The following PAPOLA variants were observed in gnomAD, a reference collection of about 807,000 sequenced individuals.
PAPOLA encodes the protein poly(A) polymerase alpha, also known as polynucleotide adenylyltransferase alpha.
In PAPOLA, 15 loss-of-function variants were observed where a neutral mutation model predicts 100.6. The observed-to-expected ratio is 0.15, with a 90% CI of 0.10 to 0.23. PAPOLA has a LOEUF of 0.23. Ranked by LOEUF, PAPOLA falls within the 10% of genes least tolerant of loss-of-function variation. PAPOLA has a pLI of 1.00. For synonymous variants in PAPOLA, 293 were observed against 300.0 expected, an observed-to-expected ratio of 0.98 and a Z score of 0.24; for missense variants, 533 against 884.2, an observed-to-expected ratio of 0.60 and a Z score of 5.04.
At chr14:96,561,124 C>G (rs867148237) in intron 20 of PAPOLA, among the ~76,000 whole-genome samples, 1 of 152,152 alleles carries the variant, frequency 6.6e-6, no homozygotes, top group Admixed American at 6.5e-5. Context: ...AGATCATGAT[C>G]TGTCTCTTTG....
At position 96,532,845 on chromosome 14, in the gene PAPOLA, T is replaced by G. The variant is rs181634747; in HGVS notation, c.836+196T>G. 7.2e-5 allele frequency: 95 copies of G among 1,313,234 alleles called. No individual in the cohort carries two copies. In the African/African-American group the frequency reaches 1.1e-3, roughly 16 times the overall value. 81.3% of individuals were successfully genotyped at this position (1,313,234 alleles called of 1,614,324 possible). ...TTTTTCCCTAGTTTGGCCAGGATAGTAAGGCAGATTCTATTTGTACTTCCT... is the reference window on the plus strand; with the variant it reads ...TTTTTCCCTAGTTTGGCCAGGATAGGAAGGCAGATTCTATTTGTACTTCCT... On this transcript the variant is annotated intron_variant, in intron 9 of 21. Transcript: ENST00000216277.
intron 21 of PAPOLA, among the ~76,000 whole-genome samples, chr14:96,563,393 G>T (rs1200537912): frequency 6.6e-6 from 1 of 152,116 alleles, no homozygotes; most frequent in African/African-American, 2.4e-5. Flanking sequence ...ACTTGTGACA[G>T]ACCCTCACAT....
At chr14:96,524,495 C>G (rs533687514) in intron 3 of PAPOLA, among the ~76,000 whole-genome samples, 2 of 151,942 alleles carry the variant, frequency 1.3e-5, no homozygotes, top group African/African-American at 2.4e-5. Flanking sequence ...TCCCGTTCCC[C>G]TTCCCCTTCC....
At chr14:96,554,383 C>T (rs990776574) in intron 17 of PAPOLA, among the ~76,000 whole-genome samples, 6 of 152,190 alleles carry the variant, frequency 3.9e-5, no homozygotes, top group African/African-American at 1.4e-4. Context: ...GTCTGTTTAT[C>T]CCCTCTTGAT....
chr14:96,533,455 C>A, intron 9 of PAPOLA: 1 of 983,730 alleles, frequency 1.0e-6, no homozygotes, highest in Non-Finnish European at 1.2e-6. Flanking sequence ...AATTTAGAAC[C>A]ATGCCACACT....
At chr14:96,518,930 A>T (rs897205537) in intron 1 of PAPOLA, among the ~76,000 whole-genome samples, 11 of 151,614 alleles carry the variant, frequency 7.3e-5, no homozygotes, top group Non-Finnish European at 1.5e-4. Context: ...GGTGGCATGC[A>T]CCTGTAGTCC....
At chr14:96,564,825 T>G in intron 21 of PAPOLA, 130 bp from the exon 22 acceptor site, 1 of 587,410 alleles carries the variant, frequency 1.7e-6, no homozygotes, top group Non-Finnish European at 3.1e-6. Context: ...TTGACAACAT[T>G]ATAGAGTTTT....
In PAPOLA at chr14:96,557,518, G is replaced by A. The variant is rs115538147; in HGVS notation, c.2004+1105G>A. On this transcript the variant is annotated intron_variant, in intron 19 of 21. Transcript: ENST00000216277. ...TTCATGTTGTTTTCCAATCAGTGAGGCATTTGCAATTGCCCCAGAGATGAC... is the reference window on the plus strand; with the variant it reads ...TTCATGTTGTTTTCCAATCAGTGAGACATTTGCAATTGCCCCAGAGATGAC... Among the ~76,000 whole-genome samples, 721 of 150,284 alleles carry A rather than the reference G, an allele frequency of 4.8e-3. 3 individuals are homozygous for A. Among genetic ancestry groups the A allele is most frequent in the African/African-American group, 0.017 (678 of 41,070 alleles).
intron 14 of PAPOLA, 133 bp downstream of exon 14, chr14:96,543,026 T>A (rs752589335): frequency 1.1e-6 from 1 of 908,846 alleles, no homozygotes; most frequent in Non-Finnish European, 1.7e-6. Flanking sequence ...TTAGAACTTA[T>A]AATTTAGTTT....
intron 6 of PAPOLA, 25 bp downstream of exon 6, chr14:96,528,031 T>G (rs1361971771): frequency 6.7e-7 from 1 of 1,502,246 alleles, no homozygotes; most frequent in Non-Finnish European, 9.3e-7. Flanking sequence ...AAATTGACAG[T>G]TCTTGCTATG....
At chr14:96,531,129 G>T (rs1367406289) in intron 6 of PAPOLA, among the ~76,000 whole-genome samples, 1 of 151,982 alleles carries the variant, frequency 6.6e-6, no homozygotes, top group Non-Finnish European at 1.5e-5. Context: ...AGCCTCCCCA[G>T]TAACTGGGAC....
At chr14:96,526,323 G>T (rs912215596) in intron 4 of PAPOLA, 6 of 152,142 alleles carry the variant, frequency 3.9e-5, no homozygotes, top group African/African-American at 1.4e-4. Flanking sequence ...GGCAGAGTAG[G>T]TACAACTCAG....
chr14:96,553,535 T>G (rs1055244887), intron 17 of PAPOLA: 10 of 152,294 alleles, frequency 6.6e-5, no homozygotes, highest in African/African-American at 2.4e-4. Flanking sequence ...AAAAAAAATT[T>G]TGAGTCTCGC....
At position 96,556,171 on chromosome 14, in the gene PAPOLA, T is replaced by G; in HGVS notation, c.1766-4T>G. 1 of 1,608,524 alleles carries G rather than the reference T, an allele frequency of 6.2e-7. No homozygotes were observed. Among genetic ancestry groups the G allele is most frequent in the South Asian group, 1.1e-5 (1 of 90,968 alleles). ...TTGTATATACTCATATATTTGCTGC[T>G]TAGGTACATCGAGTGAAAGCATTCC... is the stretch of plus-strand genomic sequence containing the variant. On this transcript the variant is annotated splice_region_variant and splice_polypyrimidine_tract_variant and intron_variant, in intron 18 of 21. Coordinates refer to ENST00000216277, the MANE Select transcript of PAPOLA (RefSeq NM_032632.5).
Position 96,537,031 on chromosome 14 carries a change from T to G in PAPOLA, c.1086T>G (p.Phe362Leu). Residue 362 changes from phenylalanine to leucine, a missense_variant, in exon 12 of 22, where the codon TTT becomes TTG. Around this residue, in one of 9 missense-constraint regions of PAPOLA, gnomAD observed 87 missense variants for 173.3 expected, o/e 0.50. Transcript: ENST00000216277. Reference sequence around the variant, plus strand: ...GTAAGGCAGAGTGGTCCAAACTTTTTGAAGCTCCAAACTTCTTTCAAAAGT... The same window carrying G: ...GTAAGGCAGAGTGGTCCAAACTTTTGGAAGCTCCAAACTTCTTTCAAAAGT... ...LLSKAEWSKL[F>L]EAPNFFQKYK... is the part of the protein sequence containing the mutation. 1 of 1,607,020 alleles carries G rather than the reference T, an allele frequency of 6.2e-7. No individual in the cohort carries two copies. The highest frequency in any genetic ancestry group is 8.5e-7 in the Non-Finnish European group (1 of 1,173,628).
intron 7 of PAPOLA, 84 bp from the exon 8 acceptor site, chr14:96,532,247 G>C: frequency 6.9e-7 from 1 of 1,455,850 alleles, no homozygotes; most frequent in Non-Finnish European, 9.0e-7. Context: ...TTAAACTTTT[G>C]ATGATTTAAT....
chr14:96,536,287 A>G (rs1042550775), intron 11 of PAPOLA, among the ~76,000 whole-genome samples: 1 of 152,152 alleles, frequency 6.6e-6, no homozygotes, highest in African/African-American at 2.4e-5. Flanking sequence ...CAGTTTGTCT[A>G]CACTGGTTGA....
In PAPOLA at chr14:96,525,298, T is replaced by C. The variant is rs1230929496; in HGVS notation, c.250-12T>C. ...GCTCCACTGGCAAAATAACCATTTT[T>C]TGTTTCAACAGAATCTTCCACAATC... On this transcript the variant is annotated splice_polypyrimidine_tract_variant and intron_variant, in intron 3 of 21. Coordinates refer to ENST00000216277, the MANE Select transcript of PAPOLA (RefSeq NM_032632.5). 2 of 1,348,114 alleles carry C rather than the reference T, an allele frequency of 1.5e-6. No homozygotes were observed. Among genetic ancestry groups the C allele is most frequent in the South Asian group, 2.4e-5 (2 of 82,994 alleles). The allele number at this position is 1,348,114 out of a possible 1,614,324, so 83.5% of individuals were successfully genotyped here. A position where few individuals can be genotyped will look rare whatever the true frequency, so the allele number is the denominator to read the frequency against.
Position 96,520,038 on chromosome 14 carries a change from T to C in PAPOLA, c.9-17T>C. ...TAGAATTCTTTTGGCAGTAATTGTA[T>C]CCAATTTTGTTTATAGTCCAGTTAC... On this transcript the variant is annotated splice_polypyrimidine_tract_variant and intron_variant, in intron 1 of 21. Transcript: ENST00000216277. 6.3e-7 allele frequency: 1 copy of C among 1,576,278 alleles called. No homozygotes were observed. The highest frequency in any genetic ancestry group is 2.3e-5 in the East Asian group (1 of 44,268).
Sources: gnomAD v4.1 joint callset for allele counts (sites outside exome capture counted in the v4.1 genomes callset) on GRCh38, gnomAD v4.1.1 for gene constraint, gnomAD v4.1.1 regional missense constraint, MANE v1.5 for transcripts, NCBI Gene and HGNC (gene_info 2026-07-23, HGNC 2026-07-21) for gene names.